The following CELF2 variants were observed in gnomAD, a reference collection of about 807,000 sequenced individuals.
CELF2 encodes CUG triplet repeat RNA-binding protein 2.
CELF2 carries 8 observed loss-of-function variants against 62.6 expected under a neutral mutation model. The observed-to-expected ratio is 0.13, with a 90% CI of 0.07 to 0.23. The LOEUF is 0.23. Among genes scored for constraint, CELF2 ranks in the 10% least tolerant of loss-of-function variants. The pLI is 1.00. For missense variants in CELF2, 333 were observed against 671.0 expected (o/e 0.50, Z 5.56); for synonymous variants, 258 against 250.0 (o/e 1.03, Z -0.30).
the CELF2 span, among the ~76,000 whole-genome samples, chr10:10,747,709 T>C: frequency 2.0e-5 from 3 of 151,848 alleles, no homozygotes; most frequent in Non-Finnish European, 2.9e-5. Context: ...GGTATATAGA[T>C]ATATATATAT....
At chr10:11,087,730 C>T (rs1223278998) in intron 1 of CELF2, among the ~76,000 whole-genome samples, 3 of 152,182 alleles carry the variant, frequency 2.0e-5, no homozygotes, top group African/African-American at 7.2e-5. Context: ...CTTTGAACCC[C>T]ACCCTGCGTT....
At chr10:11,263,226 T>C (rs1286322212) in intron 5 of CELF2, among the ~76,000 whole-genome samples, 2 of 152,124 alleles carry the variant, frequency 1.3e-5, no homozygotes, top group Admixed American at 6.5e-5. Context: ...GGAATGCAGC[T>C]CCTTTCATTT....
intron 1 of CELF2, among the ~76,000 whole-genome samples, chr10:11,020,275 T>G (rs1450035279): frequency 6.6e-6 from 1 of 152,176 alleles, no homozygotes; most frequent in Non-Finnish European, 1.5e-5. Flanking sequence ...TTAATTGAAC[T>G]AAGGGAAGAA....
chr10:10,794,808 T>G (rs929184706), upstream of CELF2: 2 of 152,206 alleles, frequency 1.3e-5, no homozygotes, highest in South Asian at 4.1e-4. Flanking sequence ...TTGGTGCTAA[T>G]GATATTATCC....
intron 1 of CELF2, among the ~76,000 whole-genome samples, chr10:10,802,344 C>T (rs1200920316): frequency 1.3e-5 from 2 of 152,148 alleles, no homozygotes; most frequent in African/African-American, 4.8e-5. Context: ...GTGCCACGCA[C>T]CTGTAGTCCC....
intron 1 of CELF2, among the ~76,000 whole-genome samples, chr10:11,058,247 AT>A (rs531343364): frequency 2.7e-3 from 414 of 152,260 alleles, no homozygotes; most frequent in Non-Finnish European, 5.1e-3. Context: ...TCTGTGAATT[AT>A]TCTCCTGTAG....
chr10:11,244,013 G>A lies in CELF2; in HGVS notation c.355-5140G>A, dbSNP rs183888694. Among the ~76,000 whole-genome samples, 46 of 152,278 alleles carry A rather than the reference G, an allele frequency of 3.0e-4. 1 individual carries two copies. In the East Asian group the frequency reaches 6.4e-3, roughly 21 times the overall value. On this transcript the variant is annotated intron_variant, in intron 3 of 12. Coordinates refer to ENST00000633077, the MANE Select transcript of CELF2 (RefSeq NM_001326342.2). This position sits in a 1 kb window ranked among gnomAD's most constrained non-coding sequence, Gnocchi z 4.2. Reference sequence around the variant, plus strand: ...CACCACATCACCTGGGCCCTCCCCCGTCTCCTGCTGTCTACTGGGACCTGC... The same window carrying A: ...CACCACATCACCTGGGCCCTCCCCCATCTCCTGCTGTCTACTGGGACCTGC...
At chr10:10,924,344 A>G (rs1770408695) in intron 2 of CELF2, among the ~76,000 whole-genome samples, 1 of 144,820 alleles carries the variant, frequency 6.9e-6, no homozygotes, top group Non-Finnish European at 1.5e-5. Flanking sequence ...CAGAGGTTTT[A>G]CTGTAATCAT....
chr10:11,007,683 G>A (rs751493355), intron 1 of CELF2, among the ~76,000 whole-genome samples: 3 of 152,118 alleles, frequency 2.0e-5, no homozygotes, highest in South Asian at 2.1e-4. Context: ...ATCTGAGGCC[G>A]GCACACGGTT....
the CELF2 span, among the ~76,000 whole-genome samples, chr10:10,602,571 G>C: frequency 2.6e-4 from 39 of 152,156 alleles, no homozygotes; most frequent in Admixed American, 4.6e-4. Flanking sequence ...GATACTCACT[G>C]AGTGTCAACT....
chr10:11,103,058 T>C (rs1329318264), intron 1 of CELF2, among the ~76,000 whole-genome samples: 1 of 152,204 alleles, frequency 6.6e-6, no homozygotes, highest in East Asian at 1.9e-4. Flanking sequence ...CTTTGCCTAA[T>C]GGTTAATGCA....
rs1316410476 is a variant in CELF2 at position 10,934,485 on chromosome 10, T to C, written c.89+14486T>C. 6.6e-6 allele frequency: 1 copy of C among 152,220 alleles called. No homozygotes were observed. Among genetic ancestry groups the C allele is most frequent in the Non-Finnish European group, 1.5e-5 (1 of 68,046 alleles). The allele number at this position is 152,220 out of a possible 1,614,324, so 9.4% of individuals were successfully genotyped here. On this transcript the variant is annotated intron_variant, in intron 2 of 13. Coordinates refer to the CELF2 transcript ENST00000636488. The surrounding 1 kb of genome is among the most constrained non-coding windows in gnomAD (Gnocchi z 4.4). ...ACAGGTGCATGAACAAGACTGCTCA[T>C]TGTAGAAACAAAAACGAAATAGTTG...
In CELF2 at chr10:10,874,885, C is replaced by A. The variant is rs1204183185; in HGVS notation, c.54-45079C>A. On this transcript the variant is annotated intron_variant, in intron 1 of 13. Coordinates refer to the CELF2 transcript ENST00000636488. ...GGTGTAAAGGAAACAGTACATTCATCAGGGTGACCACAAGAAAAGGATTTA... is the reference window on the plus strand; with the variant it reads ...GGTGTAAAGGAAACAGTACATTCATAAGGGTGACCACAAGAAAAGGATTTA... Among the ~76,000 whole-genome samples, 10 of 152,134 alleles carry A rather than the reference C, an allele frequency of 6.6e-5. 1 individual carries two copies. The highest frequency in any genetic ancestry group is 6.5e-4 in the Admixed American group (10 of 15,268).
intron 2 of CELF2, among the ~76,000 whole-genome samples, chr10:11,205,333 G>A (rs2060193232): frequency 6.6e-6 from 1 of 152,204 alleles, no homozygotes; most frequent in African/African-American, 2.4e-5. Context: ...GTGGAGTAAA[G>A]CTACCTATCC....
chr10:10,865,667 A>G (rs1591339277), intron 1 of CELF2, among the ~76,000 whole-genome samples: 2 of 152,134 alleles, frequency 1.3e-5, no homozygotes, highest in South Asian at 4.1e-4. Context: ...TTTCAAACCC[A>G]CTAGGTTGAA....
chr10:10,933,562 A>C (rs913031695), intron 2 of CELF2, among the ~76,000 whole-genome samples: 2 of 152,240 alleles, frequency 1.3e-5, no homozygotes, highest in African/African-American at 4.8e-5. Flanking sequence ...CGGTAACTTT[A>C]TACCCATTGA....
chr10:10,739,440 G>A, the CELF2 span, among the ~76,000 whole-genome samples: 2 of 152,076 alleles, frequency 1.3e-5, no homozygotes, highest in South Asian at 2.1e-4. Context: ...CCATTTTTGG[G>A]CATTTTAATT....
intron 1 of CELF2, among the ~76,000 whole-genome samples, chr10:11,123,082 C>T (rs935852177): frequency 6.6e-6 from 1 of 150,726 alleles, no homozygotes; most frequent in Non-Finnish European, 1.5e-5. Context: ...CCAGTTCCTC[C>T]CGGTCCTCAG....
At position 11,280,709 on chromosome 10, in the gene CELF2, A is replaced by T. The variant is rs1174065914; in HGVS notation, c.841+5589A>T. Among the ~76,000 whole-genome samples, 1 of 152,172 alleles carries T rather than the reference A, an allele frequency of 6.6e-6. No individual in the cohort carries two copies. The highest frequency in any genetic ancestry group is 1.5e-5 in the Non-Finnish European group (1 of 68,010). The stretch of plus-strand genomic sequence containing the variant: ...ATGGGGCAGGATGGACAGAGGACAC[A>T]TGGGCCACGGCCTCTGCCTGGCTGA... On this transcript the variant is annotated intron_variant, in intron 8 of 12. Coordinates refer to ENST00000633077, the MANE Select transcript of CELF2 (RefSeq NM_001326342.2). This position sits in a 1 kb window ranked among gnomAD's most constrained non-coding sequence, Gnocchi z 7.6.
Sources: gnomAD v4.1 joint callset for allele counts (sites outside exome capture counted in the v4.1 genomes callset) on GRCh38, gnomAD v4.1.1 for gene constraint, Gnocchi (gnomAD v3.1) non-coding constraint, MANE v1.5 for transcripts, NCBI Gene and HGNC (gene_info 2026-07-23, HGNC 2026-07-21) for gene names.